The following GRHPR variants were observed in gnomAD, a reference collection of about 807,000 sequenced individuals.
GRHPR encodes the protein glyoxylate and hydroxypyruvate reductase, also known as glyoxylate reductase/hydroxypyruvate reductase.
A neutral mutation model predicts 36.8 loss-of-function variants in GRHPR; 35 were observed. The ratio of observed to expected loss-of-function variants is 0.95; its 90% CI spans 0.73 to 1.26. GRHPR has a LOEUF of 1.26. Among genes scored for constraint, GRHPR ranks in the 50% most tolerant of loss-of-function variants. The pLI, the probability that GRHPR is intolerant of heterozygous loss-of-function variation, is 0.00. For synonymous variants in GRHPR, 179 were observed against 181.0 expected (o/e 0.99, Z 0.09); for missense variants, 380 against 435.0 (o/e 0.87, Z 1.12).
chr9:37,437,330 T>C (rs562376087), downstream of GRHPR, among the ~76,000 whole-genome samples: 1 of 152,278 alleles, frequency 6.6e-6, no homozygotes, highest in East Asian at 1.9e-4. Context: ...TGGCTCTGCT[T>C]CCCACCCCAG....
At chr9:37,425,292 C>T (rs1423734559) in intron 2 of GRHPR, among the ~76,000 whole-genome samples, 1 of 152,236 alleles carries the variant, frequency 6.6e-6, no homozygotes, top group Non-Finnish European at 1.5e-5. Flanking sequence ...AGACCCTGCC[C>T]CTTCTGGGCG....
In GRHPR at chr9:37,428,516, T is replaced by A; in HGVS notation, c.437T>A (p.Leu146Gln). The A allele has an allele frequency of 6.2e-7, 1 of 1,612,500 alleles. No homozygotes were observed. The highest frequency in any genetic ancestry group is 8.5e-7 in the Non-Finnish European group (1 of 1,179,348). The change falls in exon 5 of 9, where the codon CTG (leucine) becomes CAG (glutamine). Residue 146 changes from leucine to glutamine, a missense_variant. Leu to Gln is a moderately radical substitution (Grantham distance 113). Transcript: ENST00000318158. Reference protein sequence around the residue: ...GGWTSWKPLWLCGYGLTQSTV... With the variant: ...GGWTSWKPLWQCGYGLTQSTV... ...TGGACCTCGTGGAAGCCCCTCTGGC[T>A]GTGTGGCTATGGACTCACGCAGAGC...
intron 6 of GRHPR, 21 bp from the exon 7 acceptor site, chr9:37,430,490 T>TG: frequency 1.2e-6 from 2 of 1,608,838 alleles, no homozygotes; most frequent in Non-Finnish European, 1.7e-6. Flanking sequence ...CAGTGCCTGA[T>TG]GGAGTCCTGC....
chr9:37,424,573 A>C (rs1187651039), intron 1 of GRHPR, among the ~76,000 whole-genome samples: 1 of 152,182 alleles, frequency 6.6e-6, no homozygotes, highest in Non-Finnish European at 1.5e-5. Flanking sequence ...AGCCCCTGTG[A>C]ATGTGGGAAA....
At chr9:37,429,695 G>A (rs1457240926) in intron 5 of GRHPR, 37 bp from the exon 6 acceptor site, 20 of 1,352,378 alleles carry the variant, frequency 1.5e-5, no homozygotes, top group Non-Finnish European at 2.0e-5. Flanking sequence ...TACCCTTTGC[G>A]GGACTGGGAA....
At chr9:37,428,341 G>A in intron 4 of GRHPR, 143 bp from the exon 5 acceptor site, 2 of 718,310 alleles carry the variant, frequency 2.8e-6, no homozygotes, top group Non-Finnish European at 5.1e-6. Context: ...GCAGTGCCGA[G>A]TGGCAGTGCC....
Position 37,433,400 on chromosome 9 carries a change from A to G in GRHPR, c.865+1262A>G, listed in dbSNP as rs545166064. Among the ~76,000 whole-genome samples, 36 of 151,972 alleles carry G rather than the reference A, an allele frequency of 2.4e-4. 1 individual carries two copies. The South Asian group carries it at 6.3e-3, about 26-fold the overall frequency. ...AGGCGTGTACCACCAGGCCCAGCCA[A>G]TTTTTGTATTTTTAGTAGAGATGGG... On this transcript the variant is annotated intron_variant, in intron 8 of 8. Transcript: ENST00000318158.
chr9:37,424,806 C>G, intron 1 of GRHPR, 39 bp from the exon 2 acceptor site: 1 of 1,601,216 alleles, frequency 6.2e-7, no homozygotes, highest in Non-Finnish European at 8.5e-7. Context: ...GACAGGTGTG[C>G]GGCTCCTGCT....
chr9:37,431,229 A>C, intron 7 of GRHPR: 1 of 351,146 alleles, frequency 2.8e-6, no homozygotes, highest in East Asian at 7.6e-5. Flanking sequence ...GTTTAGGGGA[A>C]GGGGGATTGG....
At chr9:37,436,634 C>CT in intron 8 of GRHPR, 27 bp from the exon 9 acceptor site, 2 of 1,608,764 alleles carry the variant, frequency 1.2e-6, no homozygotes, top group Non-Finnish European at 1.7e-6. Flanking sequence ...CTTCTTATCT[C>CT]CCTCTCTCTC....
chr9:37,425,023 G>A lies in GRHPR; in HGVS notation c.214+48G>A, dbSNP rs765930589. ...ACTTGAGGGTGGCTTGGCCCTGTGG[G>A]CCCCTCAGCCTGTGCTGCTGGCTCC... is the stretch of plus-strand genomic sequence containing the variant. On this transcript the variant is annotated intron_variant, in intron 2 of 8. Coordinates refer to ENST00000318158, the MANE Select transcript of GRHPR (RefSeq NM_012203.2). 13 of 1,587,174 alleles carry A rather than the reference G, an allele frequency of 8.2e-6. No homozygotes were observed. The East Asian group carries it at 1.3e-4, about 16-fold the overall frequency.
chr9:37,424,779 C>G (rs1822995047), intron 1 of GRHPR, 66 bp from the exon 2 acceptor site: 6 of 1,581,788 alleles, frequency 3.8e-6, no homozygotes, highest in Non-Finnish European at 5.2e-6. Flanking sequence ...CCAGGATTCC[C>G]AGCTGGGAGG....
intron 7 of GRHPR, chr9:37,431,109 A>C: frequency 2.2e-6 from 1 of 457,738 alleles, no homozygotes; most frequent in South Asian, 1.6e-5. Context: ...AGCTCCTCAC[A>C]CTGTCCCTAG....
intron 8 of GRHPR, among the ~76,000 whole-genome samples, chr9:37,433,227 C>CT (rs1823456161): frequency 7.5e-6 from 1 of 132,552 alleles, no homozygotes; most frequent in African/African-American, 2.6e-5. Flanking sequence ...GTGGTTCTCA[C>CT]ATTTTTTTTT....
chr9:37,422,877 AG>A, intron 1 of GRHPR, 44 bp downstream of exon 1: 1 of 1,409,336 alleles, frequency 7.1e-7, no homozygotes, highest in Non-Finnish European at 9.8e-7. Context: ...GGGCGGTCCC[AG>A]GGACCGGAGA....
intron 1 of GRHPR, among the ~76,000 whole-genome samples, 189 bp downstream of exon 1, chr9:37,423,022 G>A (rs776351736): frequency 2.6e-5 from 4 of 152,180 alleles, no homozygotes; most frequent in Non-Finnish European, 5.9e-5. Context: ...CTTTGGAGAG[G>A]GGAGATTGCC....
chr9:37,426,876 A>G (rs1322792326), intron 4 of GRHPR, among the ~76,000 whole-genome samples: 2 of 151,920 alleles, frequency 1.3e-5, no homozygotes, highest in Non-Finnish European at 2.9e-5. Context: ...ATGTGAACCC[A>G]GGAGACAGAG....
rs534429542 is a variant in GRHPR, at chr9:37,430,075, C to G, written c.598+239C>G. 8.6e-6 allele frequency: 5 copies of G among 579,658 alleles called. No homozygotes were observed. In the East Asian group the frequency reaches 1.5e-4, roughly 17 times the overall value. 35.9% of individuals were successfully genotyped at this position (579,658 alleles called of 1,614,324 possible). A position where few individuals can be genotyped will look rare whatever the true frequency, so the allele number is the denominator to read the frequency against. The stretch of plus-strand genomic sequence containing the variant: ...TCCAGGGCTCCCGTCTTTCAGAGTC[C>G]TTTGTTACCATTCCCCATTGTGGGC... On this transcript the variant is annotated intron_variant, in intron 6 of 8. Transcript: ENST00000318158.
chr9:37,433,396 G>A (rs1012655117), intron 8 of GRHPR, among the ~76,000 whole-genome samples: 4 of 152,070 alleles, frequency 2.6e-5, no homozygotes, highest in Non-Finnish European at 5.9e-5. Flanking sequence ...ACCAGGCCCA[G>A]CCAATTTTTG....
Sources: allele counts gnomAD v4.1 joint callset (sites outside exome capture counted in the v4.1 genomes callset), GRCh38; gene constraint gnomAD v4.1.1; transcripts MANE v1.5; gene names NCBI Gene and HGNC (gene_info 2026-07-23, HGNC 2026-07-21).